Variants in ADGRL2 observed in about 807,000 individuals in gnomAD.
ADGRL2 encodes the protein adhesion G protein-coupled receptor L2, also known as calcium-independent alpha-latrotoxin receptor 2.
Under a neutral mutation model 157.4 loss-of-function variants are expected in ADGRL2, and 44 were observed. The ratio of observed to expected loss-of-function variants is 0.28; its 90% CI spans 0.22 to 0.36. The LOEUF (loss-of-function observed/expected upper bound fraction) is 0.36. Ranked by LOEUF, ADGRL2 falls within the 10% of genes least tolerant of loss-of-function variation. ADGRL2 has a pLI of 1.00. For missense variants in ADGRL2, 1,510 were observed against 1,768.9 expected, an observed-to-expected ratio of 0.85 and a Z score of 2.63; for synonymous variants, 585 against 624.7, an observed-to-expected ratio of 0.94 and a Z score of 0.95.
At chr1:81,528,409 G>A (rs1368704982) in intron 2 of ADGRL2, among the ~76,000 whole-genome samples, 1 of 152,094 alleles carries the variant, frequency 6.6e-6, no homozygotes, top group Non-Finnish European at 1.5e-5. Flanking sequence ...CACTTTGGGA[G>A]GCCGAGGCGA....
intron 3 of ADGRL2, among the ~76,000 whole-genome samples, chr1:81,622,138 T>G (rs1352972280): frequency 6.6e-6 from 1 of 152,194 alleles, no homozygotes; most frequent in Non-Finnish European, 1.5e-5. Flanking sequence ...ATTACAGAAC[T>G]AATATGTGTT....
chr1:81,853,635 CTG>C, intron 2 of ADGRL2, among the ~76,000 whole-genome samples: 1 of 152,168 alleles, frequency 6.6e-6, no homozygotes, highest in African/African-American at 2.4e-5. Flanking sequence ...TTTTCAAAGA[CTG>C]TAAAAAATGA....
At chr1:81,618,495 AT>A (rs1419031919) in intron 3 of ADGRL2, among the ~76,000 whole-genome samples, 1 of 152,224 alleles carries the variant, frequency 6.6e-6, no homozygotes, top group Non-Finnish European at 1.5e-5. Flanking sequence ...AGGGGACCAT[AT>A]TTTTATGACA....
chr1:81,472,642 AAAG>A (rs2078195211), intron 2 of ADGRL2, among the ~76,000 whole-genome samples: 2 of 130,280 alleles, frequency 1.5e-5, no homozygotes, highest in South Asian at 7.3e-4. Context: ...AAAAAAAAGG[AAAG>A]GAAAGGAAAG....
rs140572863 is a variant in ADGRL2, at chr1:81,311,595, A to G, written c.-302+5086A>G. Among the ~76,000 whole-genome samples, 412 of 152,292 alleles carry G rather than the reference A, an allele frequency of 2.7e-3. 5 individuals are homozygous for G. In the South Asian group the frequency reaches 0.05, roughly 18 times the overall value. ...TGTAAAAATCGAGTTAGCTTATGTTATATATTTTTTAAAATTTGTTTCAGG... is the reference window on the plus strand; with the variant it reads ...TGTAAAAATCGAGTTAGCTTATGTTGTATATTTTTTAAAATTTGTTTCAGG... On this transcript the variant is annotated intron_variant, in intron 1 of 24. Transcript: ENST00000370721.
chr1:81,986,422 C>T (rs1371377000), intron 21 of ADGRL2, among the ~76,000 whole-genome samples: 5 of 151,974 alleles, frequency 3.3e-5, no homozygotes, highest in Admixed American at 1.3e-4. Flanking sequence ...ATACTTTCTA[C>T]CTGTCTGTGA....
At chr1:81,657,515 C>A (rs2082561271) in intron 3 of ADGRL2, among the ~76,000 whole-genome samples, 1 of 152,146 alleles carries the variant, frequency 6.6e-6, no homozygotes, top group Admixed American at 6.5e-5. Flanking sequence ...TGAAGGAATT[C>A]TTTCATGGTT....
chr1:81,956,162 T>C (rs545343730), intron 11 of ADGRL2, 102 bp downstream of exon 11: 5 of 824,812 alleles, frequency 6.1e-6, no homozygotes, highest in East Asian at 3.2e-5. Context: ...GCTGTACTTC[T>C]TTTTTTGTCA....
chr1:81,560,188 A>T (rs2080407864), intron 2 of ADGRL2, among the ~76,000 whole-genome samples: 2 of 152,296 alleles, frequency 1.3e-5, no homozygotes, highest in African/African-American at 2.4e-5. Flanking sequence ...CATTTCAAAG[A>T]GTATGGGTAT....
At chr1:81,766,984 G>T (rs74095905) in intron 2 of ADGRL2, among the ~76,000 whole-genome samples, 9 of 151,380 alleles carry the variant, frequency 5.9e-5, no homozygotes, top group African/African-American at 2.2e-4. Context: ...TCTTTAATCC[G>T]AGCTAAACAT....
chr1:81,786,775 C>CG (rs947057069), intron 2 of ADGRL2, among the ~76,000 whole-genome samples: 3 of 152,022 alleles, frequency 2.0e-5, no homozygotes, highest in African/African-American at 7.2e-5. Context: ...TTGTGTTTGG[C>CG]GGTTTCTGCT....
At chr1:81,714,528 GC>G (rs1186128588) in intron 1 of ADGRL2, among the ~76,000 whole-genome samples, 2 of 152,036 alleles carry the variant, frequency 1.3e-5, no homozygotes, top group African/African-American at 4.8e-5. Context: ...TTTTTACCTA[GC>G]AATTTATAGA....
At chr1:81,474,037 G>T (rs1450231517) in intron 2 of ADGRL2, among the ~76,000 whole-genome samples, 2 of 152,086 alleles carry the variant, frequency 1.3e-5, no homozygotes, top group African/African-American at 4.8e-5. Flanking sequence ...GGAGAACAAG[G>T]AGATAGAAGG....
chr1:81,950,064 GT>G, intron 6 of ADGRL2, 124 bp from the exon 7 acceptor site: 1 of 743,432 alleles, frequency 1.3e-6, no homozygotes, highest in South Asian at 1.8e-5. Flanking sequence ...CATTTCCTTG[GT>G]TTGTGGGCAG....
chr1:81,887,788 G>T (rs1008077968), intron 2 of ADGRL2, among the ~76,000 whole-genome samples: 6 of 152,190 alleles, frequency 3.9e-5, no homozygotes, highest in Admixed American at 3.3e-4. Context: ...TATATAAATT[G>T]TAATTATTCC....
intron 3 of ADGRL2, chr1:81,596,076 A>G: frequency 2.9e-6 from 1 of 342,174 alleles, no homozygotes; most frequent in Non-Finnish European, 5.6e-6. Context: ...CTCACCTTCT[A>G]ATGCCATCAC....
chr1:81,881,366 C>T (rs1402101673), intron 2 of ADGRL2, among the ~76,000 whole-genome samples: 2 of 152,082 alleles, frequency 1.3e-5, no homozygotes, highest in Non-Finnish European at 2.9e-5. Flanking sequence ...TTAGTAGAAA[C>T]GGGGTTTCAC....
intron 1 of ADGRL2, among the ~76,000 whole-genome samples, chr1:81,418,052 T>G (rs2077062325): frequency 6.6e-6 from 1 of 152,216 alleles, no homozygotes; most frequent in African/African-American, 2.4e-5. Context: ...CTAACCACAT[T>G]CACCTGAATA....
At chr1:81,530,982 G>T (rs910746564) in intron 2 of ADGRL2, among the ~76,000 whole-genome samples, 2 of 151,788 alleles carry the variant, frequency 1.3e-5, no homozygotes, top group Non-Finnish European at 2.9e-5. Flanking sequence ...TACTTGGGAG[G>T]CTGAGGCAGA....
Sources: gnomAD v4.1 joint callset for allele counts (sites outside exome capture counted in the v4.1 genomes callset) on GRCh38, gnomAD v4.1.1 for gene constraint, MANE v1.5 for transcripts, NCBI Gene and HGNC (gene_info 2026-07-23, HGNC 2026-07-21) for gene names.